Variants in DTNBP1 observed in about 807,000 individuals in gnomAD.
The protein encoded by DTNBP1 is dystrobrevin binding protein 1, also known as dysbindin.
DTNBP1 carries 35 observed loss-of-function variants against 42.8 expected under a neutral mutation model. The ratio of observed to expected loss-of-function variants is 0.82; its 90% confidence interval spans 0.63 to 1.09. The LOEUF (loss-of-function observed/expected upper bound fraction) is 1.09. DTNBP1 is among the 50% of genes least tolerant of loss of function. The pLI is 0.00. For missense variants in DTNBP1, 457 were observed against 424.2 expected, an observed-to-expected ratio of 1.08 and a Z score of -0.68; for synonymous variants, 171 against 162.2, an observed-to-expected ratio of 1.05 and a Z score of -0.41.
chr6:15,544,897 T>C (rs971089471), intron 7 of DTNBP1, among the ~76,000 whole-genome samples: 2 of 152,236 alleles, frequency 1.3e-5, no homozygotes, highest in African/African-American at 4.8e-5. Flanking sequence ...TTTTCAATAA[T>C]TGCTGTTTCC....
intron 7 of DTNBP1, among the ~76,000 whole-genome samples, chr6:15,562,175 A>G (rs4715985): frequency 6.6e-6 from 1 of 152,258 alleles, no homozygotes; most frequent in Admixed American, 6.5e-5. Flanking sequence ...TTGTTTATTT[A>G]CTTCTCTAAT....
At chr6:15,639,435 A>G (rs74538567) in intron 3 of DTNBP1, among the ~76,000 whole-genome samples, 2,935 of 152,338 alleles carry the variant, frequency 0.019, 101 homozygotes, top group African/African-American at 0.066. Flanking sequence ...TACATATTTA[A>G]TGAGTTCATA....
intron 7 of DTNBP1, among the ~76,000 whole-genome samples, chr6:15,567,290 TAA>T (rs61019199): frequency 1.4e-5 from 2 of 144,430 alleles, no homozygotes. Context: ...TCCTGTCTCT[TAA>T]AAAAAAAAAA....
rs544283617 is a variant in DTNBP1 at position 15,533,560 on chromosome 6, A to G, written c.512-165T>C. On this transcript the variant is annotated intron_variant, in intron 7 of 9. Coordinates refer to ENST00000344537, the MANE Select transcript of DTNBP1 (RefSeq NM_032122.5). ...GTACAGCTGGCCTCCTTGTCCCCCA[A>G]TCTGCTGCACTTCCTCCCCCTACCT... The G allele has an allele frequency of 1.7e-3, 1,906 of 1,143,052 alleles. 5 individuals are homozygous for G. Among genetic ancestry groups the G allele is most frequent in the Non-Finnish European group, 2.3e-3 (1,750 of 769,240 alleles). 70.8% of individuals were successfully genotyped at this position (1,143,052 alleles called of 1,614,324 possible). A position where few individuals can be genotyped will look rare whatever the true frequency, so the allele number is the denominator to read the frequency against.
rs569670784 is a variant in DTNBP1, at chr6:15,534,099, G to A, written c.512-704C>T. 2.0e-5 allele frequency among the ~76,000 whole-genome samples: 3 copies of A among 152,358 alleles called. No individual in the cohort carries two copies. The East Asian group carries it at 5.8e-4, about 29-fold the overall frequency. On this transcript the variant is annotated intron_variant, in intron 7 of 9. Coordinates refer to ENST00000344537, the MANE Select transcript of DTNBP1 (RefSeq NM_032122.5). ...CCAGTCGCGAAAAGGCAAATGCTGT[G>A]TGCTTCCACTCATATGAGGTACCTA...
intron 7 of DTNBP1, among the ~76,000 whole-genome samples, chr6:15,547,041 C>T (rs997345537): frequency 6.7e-6 from 1 of 149,668 alleles, no homozygotes; most frequent in Non-Finnish European, 1.5e-5. Context: ...CTGACATGTT[C>T]CTGAATTTTA....
intron 6 of DTNBP1, among the ~76,000 whole-genome samples, chr6:15,607,989 A>G (rs961153681): frequency 3.3e-5 from 5 of 152,180 alleles, no homozygotes; most frequent in African/African-American, 1.2e-4. Flanking sequence ...TCTAAATAAT[A>G]TGCAAATATT....
chr6:15,592,925 C>CA (rs1461013872), intron 7 of DTNBP1, 134 bp downstream of exon 7: 3 of 948,304 alleles, frequency 3.2e-6, no homozygotes, highest in Non-Finnish European at 4.7e-6. Flanking sequence ...GCAAAACCTA[C>CA]AAAAAACAGT....
At chr6:15,580,279 G>GA (rs1235898140) in intron 7 of DTNBP1, among the ~76,000 whole-genome samples, 2 of 151,754 alleles carry the variant, frequency 1.3e-5, no homozygotes, top group Non-Finnish European at 2.9e-5. Context: ...GTAAAGACAA[G>GA]AAAAAAATAC....
At chr6:15,568,347 T>C (rs181538103) in intron 7 of DTNBP1, among the ~76,000 whole-genome samples, 3 of 152,364 alleles carry the variant, frequency 2.0e-5, no homozygotes, top group East Asian at 1.9e-4. Context: ...TAAAAATACA[T>C]AGGTGTCCCT....
At chr6:15,608,168 C>T (rs187089103) in intron 6 of DTNBP1, among the ~76,000 whole-genome samples, 1 of 152,134 alleles carries the variant, frequency 6.6e-6, no homozygotes, top group Admixed American at 6.5e-5. Context: ...TCCAATATCA[C>T]ATAAATACTG....
rs1388064513 is a variant in DTNBP1 at position 15,549,377 on chromosome 6, C to T, written c.512-15982G>A. On this transcript the variant is annotated intron_variant, in intron 7 of 9. Coordinates refer to ENST00000344537, the MANE Select transcript of DTNBP1 (RefSeq NM_032122.5). The stretch of plus-strand genomic sequence containing the variant: ...GCGGGTGCCTGTAATCCCAGCTAGT[C>T]GGGAGGCCGAGACAGGTGAGTCGCT... Among the ~76,000 whole-genome samples the T allele has an allele frequency of 2.7e-5, 4 of 150,306 alleles. No individual in the cohort carries two copies. The South Asian group carries it at 6.3e-4, about 24-fold the overall frequency.
intron 7 of DTNBP1, among the ~76,000 whole-genome samples, chr6:15,561,621 A>G (rs1774845765): frequency 6.6e-6 from 1 of 152,218 alleles, no homozygotes; most frequent in South Asian, 2.1e-4. Flanking sequence ...CCTTAGAATT[A>G]AAATTTCCTT....
At chr6:15,597,085 C>T (rs894268178) in intron 6 of DTNBP1, among the ~76,000 whole-genome samples, 1 of 152,106 alleles carries the variant, frequency 6.6e-6, no homozygotes, top group African/African-American at 2.4e-5. Flanking sequence ...AAGCCTTAGA[C>T]ACTATGATAA....
At chr6:15,637,622 C>A in intron 4 of DTNBP1, 122 bp downstream of exon 4, 2 of 1,060,948 alleles carry the variant, frequency 1.9e-6, no homozygotes. Context: ...CGACTAGATT[C>A]AATTTCAGAT....
At position 15,662,910 on chromosome 6, in the gene DTNBP1, C is replaced by A. The variant is rs1457004139; in HGVS notation, c.-41G>T. 1.9e-6 allele frequency: 3 copies of A among 1,599,960 alleles called. No individual in the cohort carries two copies. In the Admixed American group the frequency reaches 5.0e-5, roughly 27 times the overall value. On this transcript the variant is annotated 5_prime_UTR_variant, in exon 1 of 10. Coordinates refer to ENST00000344537, the MANE Select transcript of DTNBP1 (RefSeq NM_032122.5). ...TCTCCTCTCCTCAGGCCTCGGGCTG[C>A]TGCTGCCTCTGTCGCCCCCTGGGTC...
At chr6:15,552,694 T>C (rs1774280489) in intron 7 of DTNBP1, among the ~76,000 whole-genome samples, 1 of 152,212 alleles carries the variant, frequency 6.6e-6, no homozygotes, top group Admixed American at 6.5e-5. Flanking sequence ...GTATAACTTA[T>C]AAACTGAGCT....
chr6:15,560,352 G>A (rs9476849), intron 7 of DTNBP1, among the ~76,000 whole-genome samples: 19,310 of 151,900 alleles, frequency 0.13, 1,559 homozygotes, highest in African/African-American at 0.23. Context: ...TAAAATTCAT[G>A]GTCTGAAATT....
intron 7 of DTNBP1, among the ~76,000 whole-genome samples, chr6:15,578,624 C>CA (rs1775685057): frequency 6.6e-6 from 1 of 151,946 alleles, no homozygotes; most frequent in South Asian, 2.1e-4. Flanking sequence ...TGCTGTAAAT[C>CA]AAAATAAGTT....
Sources: allele counts gnomAD v4.1 joint callset (sites outside exome capture counted in the v4.1 genomes callset), GRCh38; gene constraint gnomAD v4.1.1; transcripts MANE v1.5; gene names NCBI Gene and HGNC (gene_info 2026-07-23, HGNC 2026-07-21).